Variants in SEZ6L2 observed in about 807,000 individuals in gnomAD.
SEZ6L2 encodes seizure 6-like protein 2.
Under a neutral mutation model 97.0 loss-of-function variants are expected in SEZ6L2, and 44 were observed. That is an observed-to-expected ratio of 0.45 (90% CI 0.36 to 0.58). The LOEUF (loss-of-function observed/expected upper bound fraction) is 0.58. Among genes scored for constraint, SEZ6L2 ranks in the 20% least tolerant of loss-of-function variants. SEZ6L2 has a pLI of 0.00. For synonymous variants in SEZ6L2, 543 were observed against 546.1 expected (o/e 0.99, Z 0.08); for missense variants, 1,086 against 1,233.3 (o/e 0.88, Z 1.79).
chr16:29,887,529 G>C, intron 7 of SEZ6L2, 120 bp downstream of exon 7: 1 of 845,144 alleles, frequency 1.2e-6, no homozygotes, highest in Non-Finnish European at 1.8e-6. Context: ...AGCCAGGATG[G>C]ACTCGATCTC....
chr16:29,872,792 G>A lies in SEZ6L2; in HGVS notation c.2489-49C>T, dbSNP rs144399903. ...GATGGGGTCTGAGCCAGGGAGGGGA[G>A]GAGGCTGGGAGGGGCCGGGAGCCCG... On this transcript the variant is annotated intron_variant, in intron 14 of 17. Transcript: ENST00000617533. The A allele has an allele frequency of 5.6e-4, 831 of 1,490,736 alleles. 7 individuals carry two copies. The African/African-American group carries it at 1.0e-2, about 18-fold the overall frequency. 92.3% of individuals were successfully genotyped at this position (1,490,736 alleles called of 1,614,324 possible). A position where few individuals can be genotyped will look rare whatever the true frequency, so the allele number is the denominator to read the frequency against.
At chr16:29,882,577 CAA>C (rs201664178) in intron 8 of SEZ6L2, among the ~76,000 whole-genome samples, 40 of 91,454 alleles carry the variant, frequency 4.4e-4, no homozygotes, top group East Asian at 1.0e-3. Flanking sequence ...AACTCCATCT[CAA>C]AAAAAAAAAA....
In SEZ6L2 at chr16:29,879,963, G is replaced by A; in HGVS notation, c.1474C>T (p.Leu492Phe). Reference protein sequence around the residue: ...RPGALATFSCLPGYALEPPGP... With the variant: ...RPGALATFSCFPGYALEPPGP... ...GGGGGCTCCAGGGCATATCCTGGGAGGCACGAGAAGGTTGCCAGTGCCCCT... is the reference window on the plus strand; with the variant it reads ...GGGGGCTCCAGGGCATATCCTGGGAAGCACGAGAAGGTTGCCAGTGCCCCT... Residue 492 changes from leucine (L) to phenylalanine (F), a missense_variant, in exon 9 of 18, where the codon CTC becomes TTC. This residue lies in a region of SEZ6L2 where 776 missense variants were observed against 794.7 expected (regional missense o/e 0.98). Coordinates refer to ENST00000617533, the MANE Select transcript of SEZ6L2 (RefSeq NM_001243332.2). The A allele has an allele frequency of 6.2e-7, 1 of 1,614,176 alleles. No homozygotes were observed. The highest frequency in any genetic ancestry group is 8.5e-7 in the Non-Finnish European group (1 of 1,180,024).
intron 6 of SEZ6L2, 64 bp downstream of exon 6, chr16:29,888,474 CGA>C: frequency 6.5e-7 from 1 of 1,538,688 alleles, no homozygotes; most frequent in African/African-American, 1.4e-5. Context: ...TGGACACCCC[CGA>C]GATAGGACCC....
intron 5 of SEZ6L2, among the ~76,000 whole-genome samples, chr16:29,891,459 G>A (rs1275372423): frequency 6.6e-6 from 1 of 152,074 alleles, no homozygotes; most frequent in East Asian, 1.9e-4. Context: ...GGCCAATATG[G>A]TGAAACCCTG....
At position 29,897,023 on chromosome 16, in the gene SEZ6L2, T is replaced by G. The variant is rs1436941666; in HGVS notation, c.310A>C (p.Thr104Pro). 6.3e-7 allele frequency: 1 copy of G among 1,581,524 alleles called. No homozygotes were observed. The highest frequency in any genetic ancestry group is 8.6e-7 in the Non-Finnish European group (1 of 1,169,376). ...RATEPGTGPL[T>P]TAVTPNGVRG... ...ACCCCGTTAGGGGTGACGGCTGTTG[T>G]CAGAGGCCCTGTCCCCGGCTCAGTG... The change falls in exon 3 of 18, where the codon ACA becomes CCA. Residue 104 changes from threonine to proline, a missense_variant. By Grantham distance (38) the Thr-to-Pro change is conservative. Around this residue, in one of 2 missense-constraint regions of SEZ6L2, gnomAD observed 776 missense variants for 794.7 expected, o/e 0.98. Transcript: ENST00000617533.
chr16:29,874,490 C>T (rs1296101561), intron 12 of SEZ6L2, among the ~76,000 whole-genome samples: 1 of 146,270 alleles, frequency 6.8e-6, no homozygotes, highest in Non-Finnish European at 1.5e-5. Context: ...GTATATAAGC[C>T]TGAGCTACGT....
chr16:29,895,281 A>G lies in SEZ6L2; in HGVS notation c.831T>C (p.Gly277=). 1 of 1,610,416 alleles carries G rather than the reference A, an allele frequency of 6.2e-7. No individual in the cohort carries two copies. The highest frequency in any genetic ancestry group is 8.5e-7 in the Non-Finnish European group (1 of 1,178,218). ...CACCCTGATAGTGGATCCTGAAGCC[A>G]CCGCCCCTTGGGACCCGTGGGCTCT... The part of the protein sequence containing the change: ...HFQSPRVPRG[G]GFRIHYQAYL... The change falls in exon 5 of 18, where the codon GGT becomes GGC. Residue 277 remains glycine, a synonymous_variant. Coordinates refer to ENST00000617533, the MANE Select transcript of SEZ6L2 (RefSeq NM_001243332.2).
Position 29,883,265 on chromosome 16 carries a change from C to CAGG in SEZ6L2, c.1372+2320_1372+2321insCCT, listed in dbSNP as rs1346873583. 2.8e-3 allele frequency among the ~76,000 whole-genome samples: 425 copies of CAGG among 152,198 alleles called. 1 individual carries two copies. Among genetic ancestry groups the CAGG allele is most frequent in the African/African-American group, 9.8e-3 (408 of 41,520 alleles). On this transcript the variant is annotated intron_variant, in intron 8 of 17. Transcript: ENST00000617533. ...TGTTTCCCAGACATACCAGGCATTT[C>CAGG]CCTACTTGCTGTTTCTCAAAGTTCC...
chr16:29,877,957 A>T (rs552924207), intron 10 of SEZ6L2, among the ~76,000 whole-genome samples: 2 of 152,302 alleles, frequency 1.3e-5, no homozygotes, highest in African/African-American at 4.8e-5. Flanking sequence ...TGTTAACGCA[A>T]CAGTTTGGGT....
intron 5 of SEZ6L2, 25 bp from the exon 6 acceptor site, chr16:29,888,750 C>T: frequency 6.3e-7 from 1 of 1,590,180 alleles, no homozygotes; most frequent in Non-Finnish European, 8.6e-7. Context: ...CAGCGGGTAG[C>T]AGGGCTCACT....
In SEZ6L2 at chr16:29,899,110, G is replaced by GTTTTTT. The variant is rs556364210; in HGVS notation, c.-97_-92dup. On this transcript the variant is annotated 5_prime_UTR_variant, in exon 1 of 18. Transcript: ENST00000617533. ...TCTCCGTTTATCTTTCCCTTTAATT[G>GTTTTTT]TTTTTTTTTTTTTTTTTTTTTTCCT... is the stretch of plus-strand genomic sequence containing the variant. The GTTTTTT allele has an allele frequency of 6.0e-6, 3 of 501,652 alleles. No homozygotes were observed. The highest frequency in any genetic ancestry group is 9.8e-6 in the Non-Finnish European group (3 of 305,992). 31.1% of individuals were successfully genotyped at this position (501,652 alleles called of 1,614,324 possible).
intron 1 of SEZ6L2, among the ~76,000 whole-genome samples, 161 bp downstream of exon 1, chr16:29,898,780 T>C (rs1440437286): frequency 6.6e-6 from 1 of 152,156 alleles, no homozygotes; most frequent in Non-Finnish European, 1.5e-5. Flanking sequence ...GTTAAGGGGC[T>C]TCGGGTTCAA....
chr16:29,887,363 C>A (rs1288687876), intron 7 of SEZ6L2, among the ~76,000 whole-genome samples: 3 of 148,748 alleles, frequency 2.0e-5, no homozygotes, highest in Non-Finnish European at 4.5e-5. Context: ...TGCAGTGGTG[C>A]GATCTTGGCT....
chr16:29,884,226 T>C (rs1284322652), intron 8 of SEZ6L2, among the ~76,000 whole-genome samples: 1 of 152,302 alleles, frequency 6.6e-6, no homozygotes, highest in South Asian at 2.1e-4. Context: ...GTCAGGTCAA[T>C]GAACGCCTCT....
At chr16:29,871,957 C>T (rs1047780843) in intron 17 of SEZ6L2, among the ~76,000 whole-genome samples, 1 of 152,082 alleles carries the variant, frequency 6.6e-6, no homozygotes, top group African/African-American at 2.4e-5. Flanking sequence ...GCCTCAGTTT[C>T]GACTATGGGG....
At chr16:29,884,600 T>G (rs932352095) in intron 8 of SEZ6L2, among the ~76,000 whole-genome samples, 1 of 149,768 alleles carries the variant, frequency 6.7e-6, no homozygotes, top group Non-Finnish European at 1.5e-5. Flanking sequence ...TCAAAATAAA[T>G]AAATAAATAA....
Position 29,884,421 on chromosome 16 carries a change from G to A in SEZ6L2, c.1372+1165C>T, listed in dbSNP as rs543380195. ...AGCCTGGGCAACATGGTGAAACCCC[G>A]TCTCTACTAAAAACCCAAAAATTAG... On this transcript the variant is annotated intron_variant, in intron 8 of 17. Coordinates refer to ENST00000617533, the MANE Select transcript of SEZ6L2 (RefSeq NM_001243332.2). Among the ~76,000 whole-genome samples the A allele has an allele frequency of 4.6e-5, 7 of 151,776 alleles. No individual in the cohort carries two copies. The East Asian group carries it at 7.8e-4, about 17-fold the overall frequency.
chr16:29,878,135 G>T (rs964341480), intron 10 of SEZ6L2, 152 bp downstream of exon 10: 17 of 929,468 alleles, frequency 1.8e-5, no homozygotes, highest in Admixed American at 1.2e-4. Flanking sequence ...GCTCTCTCAC[G>T]TCTATCCTGT....
Sources: gnomAD v4.1 joint callset for allele counts (sites outside exome capture counted in the v4.1 genomes callset) on GRCh38, gnomAD v4.1.1 for gene constraint, gnomAD v4.1.1 regional missense constraint, MANE v1.5 for transcripts, NCBI Gene and HGNC (gene_info 2026-07-23, HGNC 2026-07-21) for gene names.